GRM1: variants seen among roughly 807,000 people sequenced by gnomAD.
GRM1 encodes glutamate metabotropic receptor 1, also known as metabotropic glutamate receptor 1.
A neutral mutation model predicts 90.9 loss-of-function variants in GRM1; 33 were observed. The observed-to-expected ratio is 0.36, with a 90% confidence interval of 0.28 to 0.49. The LOEUF is 0.49. Among genes scored for constraint, GRM1 ranks in the 20% least tolerant of loss-of-function variants. The probability of loss-of-function intolerance (pLI) is 0.99; values close to 1 mark genes in which losing one functional copy is unlikely to be tolerated. For synonymous variants in GRM1, 700 were observed against 613.2 expected (o/e 1.14, Z -2.09); for missense variants, 1,190 against 1,534.3 (o/e 0.78, Z 3.75).
At chr6:146,344,730 T>G (rs915527589) in intron 3 of GRM1, among the ~76,000 whole-genome samples, 1 of 152,210 alleles carries the variant, frequency 6.6e-6, no homozygotes, top group East Asian at 1.9e-4. Context: ...GGCTGATAAG[T>G]CTACATAAAG....
At chr6:146,415,377 A>C (rs1021171022) in intron 7 of GRM1, among the ~76,000 whole-genome samples, 11 of 152,226 alleles carry the variant, frequency 7.2e-5, no homozygotes, top group African/African-American at 2.7e-4. Context: ...GAGGAGGCAC[A>C]TTCAGTTCAT....
At chr6:146,181,368 G>A (rs920499568) in intron 2 of GRM1, among the ~76,000 whole-genome samples, 3 of 152,106 alleles carry the variant, frequency 2.0e-5, no homozygotes, top group Non-Finnish European at 2.9e-5. Context: ...AATAAAATAT[G>A]TCCTATGCCA....
At chr6:146,216,681 C>T (rs1358754076) in intron 2 of GRM1, among the ~76,000 whole-genome samples, 1 of 152,212 alleles carries the variant, frequency 6.6e-6, no homozygotes, top group South Asian at 2.1e-4. Context: ...ATGGAAGAGT[C>T]CTGTTCCTCT....
At chr6:146,263,509 T>C (rs1781770712) in intron 2 of GRM1, among the ~76,000 whole-genome samples, 1 of 152,002 alleles carries the variant, frequency 6.6e-6, no homozygotes, top group Admixed American at 6.6e-5. Context: ...CAAAAAATTA[T>C]AAAATAGCAG....
intron 1 of GRM1, among the ~76,000 whole-genome samples, chr6:146,086,532 G>A (rs564764122): frequency 6.6e-6 from 1 of 152,092 alleles, no homozygotes; most frequent in African/African-American, 2.4e-5. Context: ...TTACACCTCT[G>A]GACTGGCATT....
chr6:146,273,113 G>A (rs1782229508), intron 2 of GRM1, among the ~76,000 whole-genome samples: 1 of 152,204 alleles, frequency 6.6e-6, no homozygotes, highest in African/African-American at 2.4e-5. Context: ...TACATAAGAA[G>A]ATATTCTTGT....
At chr6:146,217,920 C>T (rs940453264) in intron 2 of GRM1, among the ~76,000 whole-genome samples, 1 of 152,080 alleles carries the variant, frequency 6.6e-6, no homozygotes, top group Non-Finnish European at 1.5e-5. Flanking sequence ...ACAGTAGTAG[C>T]AAAATCATTT....
intron 2 of GRM1, among the ~76,000 whole-genome samples, chr6:146,229,330 G>T (rs1780365283): frequency 6.6e-6 from 1 of 150,658 alleles, no homozygotes; most frequent in Non-Finnish European, 1.5e-5. Flanking sequence ...ACTTCTCTGG[G>T]TACCAATGTC....
chr6:146,223,723 G>A (rs974584828), intron 2 of GRM1, among the ~76,000 whole-genome samples: 14 of 151,810 alleles, frequency 9.2e-5, no homozygotes, highest in African/African-American at 2.9e-4. Flanking sequence ...CCCTTTCTCC[G>A]CCACATATTT....
At chr6:146,383,990 C>G (rs992288904) in intron 5 of GRM1, among the ~76,000 whole-genome samples, 18 of 151,998 alleles carry the variant, frequency 1.2e-4, no homozygotes, top group African/African-American at 4.1e-4. Flanking sequence ...ACAAGGTGAA[C>G]CCTAAAATCA....
intron 4 of GRM1, among the ~76,000 whole-genome samples, chr6:146,352,813 T>G (rs1220186040): frequency 6.6e-6 from 1 of 152,128 alleles, no homozygotes; most frequent in Non-Finnish European, 1.5e-5. Flanking sequence ...GAAATTACAC[T>G]TGGCCAGCAG....
intron 2 of GRM1, among the ~76,000 whole-genome samples, chr6:146,276,879 T>G (rs1583262343): frequency 6.6e-6 from 1 of 152,158 alleles, no homozygotes; most frequent in South Asian, 2.1e-4. Context: ...AGTGAAAGGG[T>G]TCCTTGAGCC....
At chr6:146,147,488 C>G (rs1777157270) in intron 1 of GRM1, among the ~76,000 whole-genome samples, 1 of 152,184 alleles carries the variant, frequency 6.6e-6, no homozygotes. Flanking sequence ...GTTTTAGGAT[C>G]ACAAGGCATT....
chr6:146,224,765 T>G (rs1174629102), intron 2 of GRM1, among the ~76,000 whole-genome samples: 1 of 152,248 alleles, frequency 6.6e-6, no homozygotes, highest in African/African-American at 2.4e-5. Flanking sequence ...GTTTTTTTCC[T>G]TAGACAGTAA....
At chr6:146,100,110 T>G (rs965632816) in intron 1 of GRM1, among the ~76,000 whole-genome samples, 1 of 152,224 alleles carries the variant, frequency 6.6e-6, no homozygotes, top group Non-Finnish European at 1.5e-5. Context: ...ATTTACTCTA[T>G]TACCAGTTAG....
chr6:146,121,263 T>G (rs758111169), intron 1 of GRM1, among the ~76,000 whole-genome samples: 4 of 152,212 alleles, frequency 2.6e-5, no homozygotes, highest in Non-Finnish European at 5.9e-5. Flanking sequence ...AGTTTGTATT[T>G]CTGGGGGATC....
chr6:146,139,754 T>A (rs953421229), intron 1 of GRM1, among the ~76,000 whole-genome samples: 2 of 152,198 alleles, frequency 1.3e-5, no homozygotes, highest in Non-Finnish European at 2.9e-5. Context: ...TTTATTTTAA[T>A]CCTTTCAATC....
intron 1 of GRM1, among the ~76,000 whole-genome samples, chr6:146,043,117 G>T (rs1791176970): frequency 6.6e-6 from 1 of 151,790 alleles, no homozygotes. Context: ...AATATAGCAA[G>T]ACCCCATCTC....
chr6:146,233,458 C>T (rs6570744), intron 2 of GRM1, among the ~76,000 whole-genome samples: 33,463 of 151,996 alleles, frequency 0.22, 7,578 homozygotes, highest in African/African-American at 0.58. Context: ...TTTACTATGA[C>T]GGTGTTCTCA....
Sources: allele counts gnomAD v4.1 joint callset (sites outside exome capture counted in the v4.1 genomes callset), GRCh38; gene constraint gnomAD v4.1.1; transcripts MANE v1.5; gene names NCBI Gene and HGNC (gene_info 2026-07-23, HGNC 2026-07-21).